Variants in DMBT1 observed in about 807,000 individuals in gnomAD.
The protein encoded by DMBT1 is deleted in malignant brain tumors 1, also known as scavenger receptor cysteine-rich domain-containing protein DMBT1.
A neutral mutation model predicts 252.9 loss-of-function variants in DMBT1; 198 were observed. That is an observed-to-expected ratio of 0.78 (90% CI 0.70 to 0.88). DMBT1 has a LOEUF of 0.88. Ranked by LOEUF, DMBT1 falls within the 40% of genes least tolerant of loss-of-function variation. The probability of loss-of-function intolerance (pLI) is 0.00; values close to 1 mark genes in which losing one functional copy is unlikely to be tolerated. For synonymous variants in DMBT1, 990 were observed against 942.7 expected (o/e 1.05, Z -0.92); for missense variants, 2,432 against 2,404.7 (o/e 1.01, Z -0.24).
rs1485286155 is a variant in DMBT1 at position 122,621,163 on chromosome 10, C to T, written c.5391C>T (p.Ser1797=). 6.2e-7 allele frequency: 1 copy of T among 1,613,890 alleles called. No individual in the cohort carries two copies. The highest frequency in any genetic ancestry group is 1.1e-5 in the South Asian group (1 of 91,078). Residue 1797 remains serine (S), a synonymous_variant, in exon 44 of 56, where the codon AGC becomes AGT. Coordinates refer to ENST00000338354, the MANE Select transcript of DMBT1 (RefSeq NM_001377530.1). ...CCTGGGGAACCGTGTGTGATGACAGCTGGGACACCAATGATGCCAATGTGG... is the reference window on the plus strand; with the variant it reads ...CCTGGGGAACCGTGTGTGATGACAGTTGGGACACCAATGATGCCAATGTGG... ...RGSWGTVCDD[S]WDTNDANVVC...
chr10:122,637,049 G>A (rs1591602113), intron 53 of DMBT1, 79 bp from the exon 54 acceptor site: 1 of 1,419,120 alleles, frequency 7.0e-7, no homozygotes, highest in East Asian at 2.3e-5. Flanking sequence ...CACTTTTTAA[G>A]TGGAAACAGC....
At chr10:122,597,866 C>T (rs3981005) in intron 24 of DMBT1, 108 bp from the exon 25 acceptor site, 308 of 1,543,640 alleles carry the variant, frequency 2.0e-4, no homozygotes, top group Admixed American at 3.5e-4. Flanking sequence ...GTGGCAGGAA[C>T]CAGAAGTGGG....
rs1844965798 is a variant in DMBT1, at chr10:122,643,628, C to T, written c.*230C>T. 1 of 587,146 alleles carries T rather than the reference C, an allele frequency of 1.7e-6. No homozygotes were observed. Among genetic ancestry groups the T allele is most frequent in the Non-Finnish European group, 3.0e-6 (1 of 336,428 alleles). The allele number at this position is 587,146 out of a possible 1,614,324, so 36.4% of individuals were successfully genotyped here. On this transcript the variant is annotated 3_prime_UTR_variant, in exon 56 of 56. Coordinates refer to ENST00000338354, the MANE Select transcript of DMBT1 (RefSeq NM_001377530.1). ...AGTTCTGACCTGGATGGCCCATAGA[C>T]CTGACGTCCCAGAATCCATGCTTCT...
rs1255196209 is a variant in DMBT1, at chr10:122,562,494, A to C, written c.61+1663A>C. 3.3e-5 allele frequency among the ~76,000 whole-genome samples: 5 copies of C among 152,158 alleles called. No homozygotes were observed. In the South Asian group the frequency reaches 8.3e-4, roughly 25 times the overall value. Reference sequence around the variant, plus strand: ...AGGGGAGTGGAGACTGGGCATCCTCATCCTGCCTCCATCAGAAGCATCTGA... The same window carrying C: ...AGGGGAGTGGAGACTGGGCATCCTCCTCCTGCCTCCATCAGAAGCATCTGA... On this transcript the variant is annotated intron_variant, in intron 1 of 55. Transcript: ENST00000338354.
rs2097824436 is a variant in DMBT1 at position 122,589,197 on chromosome 10, G to A, written c.2037G>A (p.Trp679Ter). ...GCTCAGGACATGAGTCCTACCTGTG[G>A]AGCTGCCCCAACAATGGCTGGCTCT... ...VRCSGHESYL[W>*]SCPNNGWLSH... The change falls in exon 17 of 56, where the codon TGG (tryptophan) becomes TGA (stop). Residue 679 changes from tryptophan (W) to a stop codon, truncating the protein, a stop_gained. Transcript: ENST00000338354. LOFTEE classifies it high-confidence loss of function. The A allele has an allele frequency of 3.1e-6, 5 of 1,588,296 alleles. No individual in the cohort carries two copies. The highest frequency in any genetic ancestry group is 4.3e-6 in the Non-Finnish European group (5 of 1,165,712).
intron 26 of DMBT1, 101 bp downstream of exon 26, chr10:122,599,198 GT>G: frequency 1.3e-6 from 2 of 1,579,008 alleles, no homozygotes; most frequent in South Asian, 2.4e-5. Context: ...CTTCTTCTAT[GT>G]TTTCTATATT....
intron 44 of DMBT1, among the ~76,000 whole-genome samples, chr10:122,622,847 A>T (rs560067702): frequency 6.6e-6 from 1 of 152,340 alleles, no homozygotes; most frequent in African/African-American, 2.4e-5. Flanking sequence ...AACAGGCAGG[A>T]TGTTTGTGAC....
At position 122,620,257 on chromosome 10, in the gene DMBT1, T is replaced by C. The variant is rs2098051053; in HGVS notation, c.5250T>C (p.Thr1750=). 1 of 1,614,000 alleles carries C rather than the reference T, an allele frequency of 6.2e-7. No homozygotes were observed. Among genetic ancestry groups the C allele is most frequent in the Non-Finnish European group, 8.5e-7 (1 of 1,179,882 alleles). Residue 1750 remains threonine, a synonymous_variant, in exon 43 of 56, where the codon ACT becomes ACC. Coordinates refer to ENST00000338354, the MANE Select transcript of DMBT1 (RefSeq NM_001377530.1). ...AQSQSTPRPD[T]WLTTNLPALT... ...TCTCTTTGTTGCAATTTACAGATAC[T>C]TGGCTGACCACCAACTTACCGGCAT...
At chr10:122,577,351 G>A (rs1056332845) in intron 7 of DMBT1, among the ~76,000 whole-genome samples, 1 of 152,192 alleles carries the variant, frequency 6.6e-6, no homozygotes, top group South Asian at 2.1e-4. Context: ...TGGAAGTGGG[G>A]TAAGGGTGGG....
At chr10:122,617,521 G>A (rs1489224268) in intron 40 of DMBT1, among the ~76,000 whole-genome samples, 1 of 151,534 alleles carries the variant, frequency 6.6e-6, no homozygotes, top group Non-Finnish European at 1.5e-5. Context: ...AGCACTGGAA[G>A]GCTCCCTAAT....
At chr10:122,597,933 A>G (rs772893939) in intron 24 of DMBT1, 41 bp from the exon 25 acceptor site, 31 of 1,613,714 alleles carry the variant, frequency 1.9e-5, no homozygotes, top group Non-Finnish European at 2.5e-5. Context: ...GATTTTCACC[A>G]TCAACTTTAA....
intron 2 of DMBT1, among the ~76,000 whole-genome samples, chr10:122,569,548 G>A (rs2097641618): frequency 6.6e-6 from 1 of 152,150 alleles, no homozygotes; most frequent in Non-Finnish European, 1.5e-5. Context: ...TCCCCAAAGA[G>A]GAGTTTGTGG....
At chr10:122,621,456 TCTC>T (rs2098067983) in intron 44 of DMBT1, 76 bp downstream of exon 44, 17 of 1,597,316 alleles carry the variant, frequency 1.1e-5, no homozygotes, top group African/African-American at 6.7e-5. Context: ...TACATTCTGA[TCTC>T]CTCACTCAAA....
intron 28 of DMBT1, 83 bp from the exon 29 acceptor site, chr10:122,601,714 T>C (rs945764351): frequency 3.4e-6 from 3 of 880,602 alleles, no homozygotes; most frequent in Non-Finnish European, 5.0e-6. Context: ...TTGACTACTT[T>C]GCCCACTGCC....
intron 20 of DMBT1, 72 bp downstream of exon 20, chr10:122,592,667 C>A (rs2097858908): frequency 6.4e-6 from 10 of 1,572,210 alleles, no homozygotes; most frequent in African/African-American, 1.3e-5. Context: ...TAATTACATT[C>A]TGATCTCCTC....
At position 122,592,188 on chromosome 10, in the gene DMBT1, T is replaced by A; in HGVS notation, c.2177-84T>A. The A allele has an allele frequency of 1.3e-6, 2 of 1,541,352 alleles. 1 individual carries two copies. The highest frequency in any genetic ancestry group is 2.6e-5 in the South Asian group (2 of 78,142). Reference sequence around the variant, plus strand: ...TGCTTGTCCAGGCGACCTTGGCCATTAGGAAGTACCCTGAGTGTGGAACGT... The same window carrying A: ...TGCTTGTCCAGGCGACCTTGGCCATAAGGAAGTACCCTGAGTGTGGAACGT... On this transcript the variant is annotated intron_variant, in intron 19 of 55. Transcript: ENST00000338354.
intron 55 of DMBT1, among the ~76,000 whole-genome samples, chr10:122,641,597 A>G (rs1844542091): frequency 6.6e-6 from 1 of 152,120 alleles, no homozygotes; most frequent in African/African-American, 2.4e-5. Flanking sequence ...AGGAGGGGAG[A>G]AAGCTTAACC....
At chr10:122,627,928 G>T (rs898969923) in intron 46 of DMBT1, among the ~76,000 whole-genome samples, 3 of 152,220 alleles carry the variant, frequency 2.0e-5, no homozygotes, top group Non-Finnish European at 4.4e-5. Context: ...AGCAGAGAAG[G>T]CATTGGAAAG....
At chr10:122,622,646 T>G (rs2098081174) in intron 44 of DMBT1, among the ~76,000 whole-genome samples, 1 of 152,172 alleles carries the variant, frequency 6.6e-6, no homozygotes, top group Non-Finnish European at 1.5e-5. Context: ...TGGGAGGACT[T>G]TGATTGACCT....
Sources: gnomAD v4.1 joint callset for allele counts (sites outside exome capture counted in the v4.1 genomes callset) on GRCh38, gnomAD v4.1.1 for gene constraint, MANE v1.5 for transcripts, NCBI Gene and HGNC (gene_info 2026-07-23, HGNC 2026-07-21) for gene names.